CRLF3: variants seen among roughly 807,000 people sequenced by gnomAD.
CRLF3 encodes cytokine receptor like factor 3.
Under a neutral mutation model 55.0 loss-of-function variants are expected in CRLF3, and 33 were observed. The ratio of observed to expected loss-of-function variants is 0.60; its 90% confidence interval spans 0.46 to 0.80. The LOEUF is 0.80. Ranked by LOEUF, CRLF3 falls within the 30% of genes least tolerant of loss-of-function variation. The pLI is 0.00. For synonymous variants in CRLF3, 238 were observed against 196.8 expected (o/e 1.21, Z -1.75); for missense variants, 494 against 538.4 (o/e 0.92, Z 0.82).
intron 2 of CRLF3, among the ~76,000 whole-genome samples, chr17:30,802,420 TTTATTC>T (rs1197363991): frequency 8.0e-6 from 1 of 125,178 alleles, no homozygotes; most frequent in African/African-American, 3.1e-5. Flanking sequence ...GTGCCCGGCC[TTTATTC>T]TTAGTCTTAT....
At chr17:30,791,516 C>CT in intron 6 of CRLF3, among the ~76,000 whole-genome samples, 1 of 144,548 alleles carries the variant, frequency 6.9e-6, no homozygotes, top group South Asian at 2.2e-4. Context: ...CTCTTGGCCT[C>CT]TAAAATTTTT....
intron 6 of CRLF3, among the ~76,000 whole-genome samples, chr17:30,788,156 G>A (rs577021260): frequency 7.3e-5 from 11 of 151,006 alleles, no homozygotes; most frequent in Non-Finnish European, 1.6e-4. Context: ...GTGAAACCCC[G>A]TCTCTACTAA....
In CRLF3 at chr17:30,816,690, T is replaced by C. The variant is rs185044630; in HGVS notation, c.129+7833A>G. On this transcript the variant is annotated intron_variant, in intron 1 of 7. Coordinates refer to ENST00000324238, the MANE Select transcript of CRLF3 (RefSeq NM_015986.4). ...TTCTTTGTGGAGATGGGGGTCTCCC[T>C]ATATTGCCCAGACTGGTCTCAAACT... Among the ~76,000 whole-genome samples, 317 of 152,042 alleles carry C rather than the reference T, an allele frequency of 2.1e-3. 1 individual carries two copies. Among genetic ancestry groups the C allele is most frequent in the African/African-American group, 6.3e-3 (262 of 41,458 alleles).
At chr17:30,808,068 A>G (rs1207587801) in intron 1 of CRLF3, among the ~76,000 whole-genome samples, 3 of 152,148 alleles carry the variant, frequency 2.0e-5, no homozygotes, top group Admixed American at 1.3e-4. Context: ...TCATCTACAT[A>G]GCATCTGGTA....
Position 30,813,606 on chromosome 17 carries a change from G to A in CRLF3, c.130-9498C>T, listed in dbSNP as rs1228885570. Among the ~76,000 whole-genome samples, 4 of 148,210 alleles carry A rather than the reference G, an allele frequency of 2.7e-5. No individual in the cohort carries two copies. In the East Asian group the frequency reaches 5.9e-4, roughly 22 times the overall value. ...CTATGTCCTAGGCACTGTGCTAAGC[G>A]TTTTTTTTTTAATAACTATAAGTTT... is the stretch of plus-strand genomic sequence containing the variant. On this transcript the variant is annotated intron_variant, in intron 1 of 7. Coordinates refer to ENST00000324238, the MANE Select transcript of CRLF3 (RefSeq NM_015986.4).
chr17:30,822,689 GA>G (rs1905032405), intron 1 of CRLF3, among the ~76,000 whole-genome samples: 1 of 151,974 alleles, frequency 6.6e-6, no homozygotes, highest in Non-Finnish European at 1.5e-5. Context: ...GTGTAATCAC[GA>G]TTTTTTTTAA....
rs1316372858 is a variant in CRLF3 at position 30,793,631 on chromosome 17, A to G, written c.645T>C (p.Phe215=). 6.2e-7 allele frequency: 1 copy of G among 1,614,102 alleles called. No individual in the cohort carries two copies. Among genetic ancestry groups the G allele is most frequent in the Admixed American group, 1.7e-5 (1 of 60,006 alleles). The change falls in exon 5 of 8, where the codon TTT becomes TTC. Residue 215 remains phenylalanine, a synonymous_variant. Coordinates refer to ENST00000324238, the MANE Select transcript of CRLF3 (RefSeq NM_015986.4). The part of the protein sequence containing the change: ...DFTAQDYRLQ[F]RKCTSNHFED... ...CAAAATGATTTGAAGTACATTTACGAAACTGGAGCCTGTAATCTTGGGCTG... is the reference window on the plus strand; with the variant it reads ...CAAAATGATTTGAAGTACATTTACGGAACTGGAGCCTGTAATCTTGGGCTG...
chr17:30,789,282 C>G (rs529176950), intron 6 of CRLF3, among the ~76,000 whole-genome samples: 1 of 152,162 alleles, frequency 6.6e-6, no homozygotes, highest in Non-Finnish European at 1.5e-5. Flanking sequence ...ACATCACGGT[C>G]AGCAGAGGTG....
chr17:30,804,057 C>A lies in CRLF3; in HGVS notation c.181G>T (p.Asp61Tyr). The A allele has an allele frequency of 6.2e-7, 1 of 1,613,916 alleles. No homozygotes were observed. Among genetic ancestry groups the A allele is most frequent in the African/African-American group, 1.3e-5 (1 of 75,016 alleles). ...TRDVLKQHFN[D>Y]LKGTLGKLLD... ...AGCTTTCCAAGGGTTCCCTTTAAAT[C>A]ATTAAAATGCTGTTTGAGAACATCC... Residue 61 changes from aspartate (D) to tyrosine (Y), a missense_variant, in exon 2 of 8, where the codon GAT (aspartate) becomes TAT (tyrosine). By Grantham distance (160) the Asp-to-Tyr change is radical (BLOSUM62 -3). Transcript: ENST00000324238.
chr17:30,801,752 C>CT (rs1490848028), intron 2 of CRLF3, among the ~76,000 whole-genome samples: 1 of 152,004 alleles, frequency 6.6e-6, no homozygotes, highest in African/African-American at 2.4e-5. Context: ...TAATCAGTCT[C>CT]TTTTCCCTCT....
intron 2 of CRLF3, among the ~76,000 whole-genome samples, chr17:30,801,781 A>G (rs983824666): frequency 6.6e-6 from 1 of 151,800 alleles, no homozygotes; most frequent in Non-Finnish European, 1.5e-5. Flanking sequence ...AATCTCTAAC[A>G]TAGTCTCCAA....
chr17:30,792,908 GC>G, intron 5 of CRLF3: 1 of 155,314 alleles, frequency 6.4e-6, no homozygotes, highest in Non-Finnish European at 1.4e-5. Flanking sequence ...TGTAATCCCA[GC>G]ACTTTGGGAG....
chr17:30,786,011 G>A lies in CRLF3; in HGVS notation c.980C>T (p.Pro327Leu), dbSNP rs758285076. 1.2e-6 allele frequency: 2 copies of A among 1,607,652 alleles called. No homozygotes were observed. Among genetic ancestry groups the A allele is most frequent in the East Asian group, 2.2e-5 (1 of 44,806 alleles). Reference protein sequence around the residue: ...LTFRVETVGQPDRRDSIGVCA... With the variant: ...LTFRVETVGQLDRRDSIGVCA... Reference sequence around the variant, plus strand: ...CACTCCTATGCTATCTCTTCTGTCTGGCTGTCCCACAGTTTCAACTCTGTA... The same window carrying A: ...CACTCCTATGCTATCTCTTCTGTCTAGCTGTCCCACAGTTTCAACTCTGTA... The change falls in exon 7 of 8, where the codon CCA becomes CTA. Residue 327 changes from proline (P) to leucine (L), a missense_variant. Transcript: ENST00000324238.
intron 6 of CRLF3, chr17:30,787,342 C>T (rs1191637502): frequency 6.7e-6 from 1 of 148,782 alleles, no homozygotes; most frequent in African/African-American, 2.5e-5. Flanking sequence ...CTATTATAAT[C>T]CTAAAAAATC....
intron 1 of CRLF3, among the ~76,000 whole-genome samples, chr17:30,820,839 A>AG (rs1485892111): frequency 3.9e-4 from 59 of 151,186 alleles, no homozygotes; most frequent in African/African-American, 1.4e-3. Flanking sequence ...AAAAAAAAAA[A>AG]AAAAAGGAAG....
At chr17:30,786,632 A>G (rs919961374) in intron 6 of CRLF3, 1 of 152,254 alleles carries the variant, frequency 6.6e-6, no homozygotes, top group African/African-American at 2.4e-5. Context: ...CCTGATCCCG[A>G]CTACCTGGCT....
intron 1 of CRLF3, among the ~76,000 whole-genome samples, chr17:30,808,583 C>A (rs560422082): frequency 9.5e-4 from 143 of 151,110 alleles, no homozygotes; most frequent in African/African-American, 3.4e-3. Flanking sequence ...CCAACGCGCC[C>A]AGCCAAACCT....
chr17:30,791,119 GT>G (rs1971789801), intron 6 of CRLF3, among the ~76,000 whole-genome samples: 4 of 151,740 alleles, frequency 2.6e-5, no homozygotes, highest in Admixed American at 1.3e-4. Flanking sequence ...GTCTTGCCCT[GT>G]TGCCAGGCTG....
intron 1 of CRLF3, among the ~76,000 whole-genome samples, chr17:30,814,813 C>T (rs916101689): frequency 6.6e-6 from 1 of 151,990 alleles, no homozygotes; most frequent in Non-Finnish European, 1.5e-5. Context: ...ACCAGCCTGA[C>T]CAACATGGTG....
Sources: gnomAD v4.1 joint callset for allele counts (sites outside exome capture counted in the v4.1 genomes callset) on GRCh38, gnomAD v4.1.1 for gene constraint, MANE v1.5 for transcripts, NCBI Gene and HGNC (gene_info 2026-07-23, HGNC 2026-07-21) for gene names.